DNAJC11: variants seen among roughly 807,000 people sequenced by gnomAD.
The protein encoded by DNAJC11 is DnaJ heat shock protein family (Hsp40) member C11, also known as dnaJ homolog subfamily C member 11.
DNAJC11 carries 15 observed loss-of-function variants against 78.6 expected under a neutral mutation model. The observed-to-expected ratio is 0.19, with a 90% CI of 0.13 to 0.29. The LOEUF (loss-of-function observed/expected upper bound fraction) is 0.29. Ranked by LOEUF, DNAJC11 falls within the 10% of genes least tolerant of loss-of-function variation. The pLI is 1.00. For missense variants in DNAJC11, 547 were observed against 709.6 expected, an observed-to-expected ratio of 0.77 and a Z score of 2.60; for synonymous variants, 292 against 272.1, an observed-to-expected ratio of 1.07 and a Z score of -0.72.
intron 1 of DNAJC11, among the ~76,000 whole-genome samples, chr1:6,696,437 T>C (rs1332391276): frequency 6.6e-6 from 1 of 152,190 alleles, no homozygotes; most frequent in African/African-American, 2.4e-5. Context: ...TCCTTCTTTG[T>C]GGGTGACTTT....
chr1:6,637,167 A>G (rs766482939), intron 14 of DNAJC11, 31 bp downstream of exon 14: 3 of 1,613,418 alleles, frequency 1.9e-6, no homozygotes, highest in East Asian at 4.5e-5. Context: ...ATCTGTGAGC[A>G]CATAGCATGT....
At position 6,680,808 on chromosome 1, in the gene DNAJC11, C is replaced by T. The variant is rs1642539521; in HGVS notation, c.202+100G>A. 1 of 1,460,844 alleles carries T rather than the reference C, an allele frequency of 6.8e-7. No individual in the cohort carries two copies. The highest frequency in any genetic ancestry group is 9.4e-7 in the Non-Finnish European group (1 of 1,068,162). 90.5% of individuals were successfully genotyped at this position (1,460,844 alleles called of 1,614,324 possible). A position where few individuals can be genotyped will look rare whatever the true frequency, so the allele number is the denominator to read the frequency against. On this transcript the variant is annotated intron_variant, in intron 2 of 15. Transcript: ENST00000377577. This position sits in a 1 kb window ranked among gnomAD's most constrained non-coding sequence, Gnocchi z 4.0. ...CTAAACTAACCACCTGTTTTATATACCTCTAAGGACTCTCTTTTTCTATCC... is the reference window on the plus strand; with the variant it reads ...CTAAACTAACCACCTGTTTTATATATCTCTAAGGACTCTCTTTTTCTATCC...
At chr1:6,679,569 C>T (rs1480240281) in intron 2 of DNAJC11, among the ~76,000 whole-genome samples, 1 of 152,150 alleles carries the variant, frequency 6.6e-6, no homozygotes, top group Non-Finnish European at 1.5e-5. Context: ...ATTTAAAAAC[C>T]ACATAAATGA....
intron 11 of DNAJC11, 91 bp downstream of exon 11, chr1:6,639,811 C>T (rs577375349): frequency 8.5e-5 from 120 of 1,415,024 alleles, no homozygotes; most frequent in African/African-American, 8.4e-4. Context: ...CATCACCCGA[C>T]GCAGGAGGCT....
chr1:6,657,319 C>T (rs780018183), intron 4 of DNAJC11, among the ~76,000 whole-genome samples: 8 of 152,082 alleles, frequency 5.3e-5, no homozygotes, highest in Non-Finnish European at 8.8e-5. Flanking sequence ...TGAGCTGGCC[C>T]GGGGAGAGGT....
At chr1:6,643,995 C>T (rs1176699200) in intron 10 of DNAJC11, among the ~76,000 whole-genome samples, 8 of 152,032 alleles carry the variant, frequency 5.3e-5, no homozygotes, top group South Asian at 2.1e-4. Flanking sequence ...CTCAGCCTCC[C>T]GAGTACCTGG....
Position 6,634,682 on chromosome 1 carries a change from A to G in DNAJC11, c.*993T>C, listed in dbSNP as rs746854479. On this transcript the variant is annotated 3_prime_UTR_variant, in exon 16 of 16. Transcript: ENST00000377577. The stretch of plus-strand genomic sequence containing the variant: ...TAGCTCCGCTGCATTCTGCATCCCA[A>G]GTGGGCACGTGGAGGAAGGGTCTGA... The G allele has an allele frequency of 8.8e-6, 12 of 1,366,252 alleles. No individual in the cohort carries two copies. In the Admixed American group the frequency reaches 9.5e-5, roughly 11 times the overall value. The allele number at this position is 1,366,252 out of a possible 1,614,324, so 84.6% of individuals were successfully genotyped here.
Position 6,639,920 on chromosome 1 carries a change from A to G in DNAJC11, c.1235T>C (p.Leu412Pro). 1 of 1,613,556 alleles carries G rather than the reference A, an allele frequency of 6.2e-7. No individual in the cohort carries two copies. The highest frequency in any genetic ancestry group is 8.5e-7 in the Non-Finnish European group (1 of 1,179,874). The change falls in exon 11 of 16, where the codon CTC becomes CCC. Residue 412 changes from leucine to proline, a missense_variant. Physicochemically the swap from Leu to Pro is moderately conservative, Grantham distance 98 (BLOSUM62 -3). Transcript: ENST00000377577. ...AMHRLIIKPY[L>P]RAQKEKELEK... ...AACTCACTTCTCTTTCTGAGCCCTG[A>G]GGTATGGTTTGATGATCAGACGGTG...
At chr1:6,652,411 C>A (rs1473686710) in intron 6 of DNAJC11, among the ~76,000 whole-genome samples, 1 of 152,164 alleles carries the variant, frequency 6.6e-6, no homozygotes, top group Non-Finnish European at 1.5e-5. Context: ...ACTGACAGGA[C>A]TTCTCAGATA....
At chr1:6,646,588 T>C (rs1264226775) in intron 7 of DNAJC11, among the ~76,000 whole-genome samples, 1 of 152,160 alleles carries the variant, frequency 6.6e-6, no homozygotes, top group Admixed American at 6.5e-5. Context: ...TCTGATGTAC[T>C]AGTGACCACA....
intron 10 of DNAJC11, among the ~76,000 whole-genome samples, chr1:6,640,447 T>G (rs1455398294): frequency 6.6e-6 from 1 of 152,194 alleles, no homozygotes; most frequent in Admixed American, 6.5e-5. Context: ...TAGTGAAGAC[T>G]TCAAAAGTTA....
At chr1:6,693,447 G>C (rs1284952483) in intron 1 of DNAJC11, among the ~76,000 whole-genome samples, 1 of 151,712 alleles carries the variant, frequency 6.6e-6, no homozygotes. Context: ...GTGGTGGTGC[G>C]ATCTTGCTTC....
At chr1:6,692,430 C>T (rs139065282) in intron 1 of DNAJC11, among the ~76,000 whole-genome samples, 1 of 151,466 alleles carries the variant, frequency 6.6e-6, no homozygotes, top group African/African-American at 2.4e-5. Context: ...ATCTTTACCC[C>T]AAACACCCAA....
intron 3 of DNAJC11, among the ~76,000 whole-genome samples, chr1:6,668,399 G>T (rs537796025): frequency 2.0e-5 from 3 of 152,068 alleles, no homozygotes; most frequent in African/African-American, 7.2e-5. Flanking sequence ...TCGGCCTCCG[G>T]AAGTGCTGGG....
chr1:6,643,490 T>C (rs973693279), intron 10 of DNAJC11, among the ~76,000 whole-genome samples: 4 of 152,010 alleles, frequency 2.6e-5, no homozygotes, highest in African/African-American at 9.7e-5. Flanking sequence ...TTAGCCAGGA[T>C]GGTCTCAATC....
At chr1:6,666,382 TTTC>T (rs1208044394) in intron 4 of DNAJC11, among the ~76,000 whole-genome samples, 3 of 103,050 alleles carry the variant, frequency 2.9e-5, no homozygotes, top group African/African-American at 7.0e-5. Flanking sequence ...TTTTCTTTCT[TTTC>T]TTTTTTTTTT....
intron 4 of DNAJC11, among the ~76,000 whole-genome samples, chr1:6,660,985 A>AT (rs759601670): frequency 5.3e-5 from 8 of 152,196 alleles, no homozygotes; most frequent in Non-Finnish European, 1.2e-4. Flanking sequence ...TAAATTCTTT[A>AT]TTTTTTGGTT....
chr1:6,646,292 G>A (rs947299617), intron 7 of DNAJC11, among the ~76,000 whole-genome samples: 1 of 152,184 alleles, frequency 6.6e-6, no homozygotes, highest in African/African-American at 2.4e-5. Context: ...GATGGGGGCC[G>A]AGGAGTGCAA....
intron 3 of DNAJC11, among the ~76,000 whole-genome samples, chr1:6,675,888 G>A (rs897671688): frequency 6.6e-6 from 1 of 152,118 alleles, no homozygotes; most frequent in African/African-American, 2.4e-5. Context: ...TCTTTGAAGA[G>A]GGAATATGTA....
Sources: allele counts gnomAD v4.1 joint callset (sites outside exome capture counted in the v4.1 genomes callset), GRCh38; gene constraint gnomAD v4.1.1; non-coding constraint Gnocchi (gnomAD v3.1); transcripts MANE v1.5; gene names NCBI Gene and HGNC (gene_info 2026-07-23, HGNC 2026-07-21).